LCOR: variants seen among roughly 807,000 people sequenced by gnomAD.
The protein encoded by LCOR is ligand dependent nuclear receptor corepressor, also known as ligand-dependent corepressor.
LCOR carries 14 observed loss-of-function variants against 64.4 expected under a neutral mutation model. The ratio of observed to expected loss-of-function variants is 0.22; its 90% CI spans 0.14 to 0.34. LCOR has a LOEUF of 0.34. Ranked by LOEUF, LCOR falls within the 10% of genes least tolerant of loss-of-function variation. The pLI is 1.00. For synonymous variants in LCOR, 643 were observed against 642.5 expected (o/e 1.00, Z -0.01); for missense variants, 1,686 against 1,765.3 (o/e 0.96, Z 0.80).
chr10:96,983,502 G>T lies in LCOR; in HGVS notation c.3042G>T (p.Gly1014=), dbSNP rs774513867. 1.2e-6 allele frequency: 2 copies of T among 1,614,098 alleles called. No individual in the cohort carries two copies. Among genetic ancestry groups the T allele is most frequent in the South Asian group, 2.2e-5 (2 of 91,082 alleles). Residue 1014 remains glycine (G), a synonymous_variant, in exon 8 of 8, where the codon GGG becomes GGT. Coordinates refer to ENST00000421806, the MANE Select transcript of LCOR (RefSeq NM_001346516.2). This position sits in a 1 kb window ranked among gnomAD's most constrained non-coding sequence, Gnocchi z 4.5. ...DESDAPCSSL[G]LSSSGSGDAA... ...GTGATGCCCCATGCAGCTCTCTTGG[G>T]TTGTCGAGTAGTGGAAGTGGTGATG...
rs1221456098 is a variant in LCOR at position 96,915,990 on chromosome 10, C to A, written c.-184+8243C>A. 11 of 226,362 alleles carry A rather than the reference C, an allele frequency of 4.9e-5. No homozygotes were observed. In the South Asian group the frequency reaches 7.7e-4, roughly 16 times the overall value. The allele number at this position is 226,362 out of a possible 1,614,324, so 14.0% of individuals were successfully genotyped here. A position where few individuals can be genotyped will look rare whatever the true frequency, so the allele number is the denominator to read the frequency against. ...GGTAGTCCAAGGGTCATTCTCACCT[C>A]TTCTTCACACTGTTCCCATTGAAAG... is the stretch of plus-strand genomic sequence containing the variant. On this transcript the variant is annotated intron_variant, in intron 4 of 7. Coordinates refer to ENST00000421806, the MANE Select transcript of LCOR (RefSeq NM_001346516.2).
intron 2 of LCOR, among the ~76,000 whole-genome samples, chr10:96,876,036 A>C (rs563679467): frequency 6.0e-5 from 9 of 150,200 alleles, no homozygotes; most frequent in Non-Finnish European, 1.2e-4. Flanking sequence ...AAGTAAAAGA[A>C]GTAGAAGCAA....
At chr10:96,836,160 G>A (rs1251849709) in intron 2 of LCOR, among the ~76,000 whole-genome samples, 4 of 152,190 alleles carry the variant, frequency 2.6e-5, no homozygotes, top group Non-Finnish European at 4.4e-5. Flanking sequence ...TTCCTGAAAT[G>A]TTCTTGTAGC....
chr10:96,906,471 C>G (rs1242767393), intron 2 of LCOR, among the ~76,000 whole-genome samples: 1 of 152,158 alleles, frequency 6.6e-6, no homozygotes, highest in South Asian at 2.1e-4. Flanking sequence ...TTCCTCCTTA[C>G]TCTCTTGACC....
intron 2 of LCOR, among the ~76,000 whole-genome samples, chr10:96,835,701 T>C (rs921149058): frequency 3.3e-5 from 5 of 152,246 alleles, no homozygotes; most frequent in Non-Finnish European, 7.3e-5. Context: ...TTCTGGAAGG[T>C]ATTTAATTTA....
intron 4 of LCOR, among the ~76,000 whole-genome samples, chr10:96,926,522 C>A (rs907717075): frequency 1.3e-5 from 2 of 152,062 alleles, no homozygotes; most frequent in East Asian, 3.9e-4. Flanking sequence ...TATTCAGTAT[C>A]TTTAATACCC....
chr10:96,966,220 C>CTTTTTT lies in LCOR; in HGVS notation c.332+14045_332+14050dup, dbSNP rs34210121. ...TGGGGATTTTTCCCCCCAAAGGACTCTTTTTTTTTTTTTTTTTTTTTTTTT... is the reference window on the plus strand; with the variant it reads ...TGGGGATTTTTCCCCCCAAAGGACTCTTTTTTTTTTTTTTTTTTTTTTTTTTTTTTT... On this transcript the variant is annotated intron_variant, in intron 7 of 7. Transcript: ENST00000421806. 9.1e-5 allele frequency among the ~76,000 whole-genome samples: 5 copies of CTTTTTT among 55,142 alleles called. 1 individual carries two copies. The highest frequency in any genetic ancestry group is 1.6e-4 in the African/African-American group (2 of 12,172). The allele number at this position is 55,142 out of a possible 152,430, so 36.2% of individuals were successfully genotyped here.
At chr10:96,870,042 TTTGTTG>T (rs544201591) in intron 2 of LCOR, among the ~76,000 whole-genome samples, 11 of 150,448 alleles carry the variant, frequency 7.3e-5, no homozygotes, top group South Asian at 2.1e-4. Flanking sequence ...AAGTTCTTTG[TTTGTTG>T]TTGTTGTTGT....
At chr10:96,885,047 T>G (rs1454680958) in intron 2 of LCOR, among the ~76,000 whole-genome samples, 2 of 152,210 alleles carry the variant, frequency 1.3e-5, no homozygotes, top group Admixed American at 1.3e-4. Context: ...TTCACATACT[T>G]CTCTGAATAG....
At position 96,981,951 on chromosome 10, in the gene LCOR, C is replaced by G; in HGVS notation, c.1491C>G (p.Ala497=). ...CAATATTATCTTCTCGGAAAACAGCCAGAAAGAGTACTCGAGGATACTTTT... is the reference window on the plus strand; with the variant it reads ...CAATATTATCTTCTCGGAAAACAGCGAGAAAGAGTACTCGAGGATACTTTT... ...QKSILSSRKT[A]RKSTRGYFFN... Residue 497 remains alanine (A), a synonymous_variant, in exon 8 of 8, where the codon GCC becomes GCG. Transcript: ENST00000421806. 1 of 1,614,104 alleles carries G rather than the reference C, an allele frequency of 6.2e-7. No individual in the cohort carries two copies. Among genetic ancestry groups the G allele is most frequent in the Non-Finnish European group, 8.5e-7 (1 of 1,180,034 alleles).
intron 2 of LCOR, among the ~76,000 whole-genome samples, chr10:96,877,598 ATTTTTTTTTTTTTTTTTTT>A (rs57119025): frequency 1.5e-5 from 1 of 65,660 alleles, no homozygotes; most frequent in African/African-American, 6.5e-5. Flanking sequence ...ATTTTTCTGA[ATTTTTTTTTTTTTTTTTTT>A]TTTTTTTTTT....
intron 2 of LCOR, among the ~76,000 whole-genome samples, chr10:96,892,205 CTAT>C (rs1031396005): frequency 1.5e-4 from 23 of 152,178 alleles, no homozygotes; most frequent in African/African-American, 5.3e-4. Context: ...AAGTCTCTAG[CTAT>C]TATTGTTGAG....
At chr10:96,954,439 C>T (rs1351802244) in intron 7 of LCOR, among the ~76,000 whole-genome samples, 3 of 137,170 alleles carry the variant, frequency 2.2e-5, no homozygotes, top group African/African-American at 8.2e-5. Context: ...GATAAATGAG[C>T]AATTATTTAT....
intron 7 of LCOR, among the ~76,000 whole-genome samples, chr10:96,970,653 A>ATTTTATTTAT (rs1208672189): frequency 0.015 from 2,153 of 140,710 alleles, 74 homozygotes; most frequent in African/African-American, 0.052. Flanking sequence ...ATTTTATTTT[A>ATTTTATTTAT]TTTATTTTAT....
At chr10:96,938,233 C>T (rs560331056) in intron 4 of LCOR, among the ~76,000 whole-genome samples, 18 of 147,390 alleles carry the variant, frequency 1.2e-4, no homozygotes, top group African/African-American at 4.0e-4. Context: ...AGGCATGAGC[C>T]GCTGTACCTG....
rs116485004 is a variant in LCOR, at chr10:96,886,789, C to T, written c.-329-20476C>T. Among the ~76,000 whole-genome samples the T allele has an allele frequency of 3.3e-3, 502 of 152,280 alleles. 3 individuals carry two copies. The highest frequency in any genetic ancestry group is 0.012 in the African/African-American group (483 of 41,552). On this transcript the variant is annotated intron_variant, in intron 2 of 7. Coordinates refer to ENST00000421806, the MANE Select transcript of LCOR (RefSeq NM_001346516.2). Reference sequence around the variant, plus strand: ...TAATTAGACTAGATACTGAGGTATCCTACTGCTTACACATCTCCAGTCAAA... The same window carrying T: ...TAATTAGACTAGATACTGAGGTATCTTACTGCTTACACATCTCCAGTCAAA...
intron 2 of LCOR, among the ~76,000 whole-genome samples, chr10:96,873,101 G>A (rs1436635590): frequency 6.6e-6 from 1 of 152,048 alleles, no homozygotes; most frequent in Non-Finnish European, 1.5e-5. Context: ...GGATAGACAT[G>A]ATTTTAATAA....
chr10:96,939,401 T>C (rs1253795541), intron 4 of LCOR, among the ~76,000 whole-genome samples: 1 of 152,204 alleles, frequency 6.6e-6, no homozygotes, highest in Non-Finnish European at 1.5e-5. Flanking sequence ...ATAAAATTCT[T>C]AGAAGAAAGC....
chr10:96,909,651 G>C (rs990780359), intron 4 of LCOR, among the ~76,000 whole-genome samples: 1 of 152,196 alleles, frequency 6.6e-6, no homozygotes, highest in Non-Finnish European at 1.5e-5. Flanking sequence ...GAAAGCCAAC[G>C]TGTAGCCAAC....
Sources: allele counts gnomAD v4.1 joint callset (sites outside exome capture counted in the v4.1 genomes callset), GRCh38; gene constraint gnomAD v4.1.1; non-coding constraint Gnocchi (gnomAD v3.1); transcripts MANE v1.5; gene names NCBI Gene and HGNC (gene_info 2026-07-23, HGNC 2026-07-21).